Variants in AKT3 observed in about 807,000 individuals in gnomAD.
AKT3 encodes the protein RAC-gamma serine/threonine-protein kinase.
Under a neutral mutation model 65.3 loss-of-function variants are expected in AKT3, and 15 were observed. The observed-to-expected ratio is 0.23, with a 90% confidence interval of 0.15 to 0.35. The LOEUF (loss-of-function observed/expected upper bound fraction) is 0.35. AKT3 is among the 10% of genes least tolerant of loss of function. The probability of loss-of-function intolerance (pLI) is 1.00; values close to 1 mark genes in which losing one functional copy is unlikely to be tolerated. For missense variants in AKT3, 243 were observed against 576.5 expected (o/e 0.42, Z 5.92); for synonymous variants, 206 against 183.8 (o/e 1.12, Z -0.98).
At chr1:243,595,168 C>T (rs988255131) in intron 8 of AKT3, among the ~76,000 whole-genome samples, 1 of 152,208 alleles carries the variant, frequency 6.6e-6, no homozygotes, top group Admixed American at 6.5e-5. Context: ...CTTCTAGGTA[C>T]AGACCTGTAC....
rs1285942888 is a variant in AKT3 at position 243,500,299 on chromosome 1, T to G, written c.*4950A>C. Reference sequence around the variant, plus strand: ...TTTATTTATTTATCGTCCTACTTTGTGCACAATCAATCAATCAGGAGACAC... The same window carrying G: ...TTTATTTATTTATCGTCCTACTTTGGGCACAATCAATCAATCAGGAGACAC... On this transcript the variant is annotated 3_prime_UTR_variant, in exon 14 of 14. Transcript: ENST00000673466. 4.9e-6 allele frequency: 1 copy of G among 203,632 alleles called. No individual in the cohort carries two copies. Among genetic ancestry groups the G allele is most frequent in the Non-Finnish European group, 9.0e-6 (1 of 110,866 alleles). 12.6% of individuals were successfully genotyped at this position (203,632 alleles called of 1,614,324 possible). A position where few individuals can be genotyped will look rare whatever the true frequency, so the allele number is the denominator to read the frequency against.
chr1:243,564,189 C>G (rs2148489038), intron 9 of AKT3, among the ~76,000 whole-genome samples: 1 of 152,176 alleles, frequency 6.6e-6, no homozygotes, highest in South Asian at 2.1e-4. Flanking sequence ...GTGATCTAAA[C>G]AATCCCAAAG....
chr1:243,782,865 TATATG>T (rs1478899026), intron 2 of AKT3, among the ~76,000 whole-genome samples: 1 of 152,156 alleles, frequency 6.6e-6, no homozygotes, highest in Non-Finnish European at 1.5e-5. Flanking sequence ...TATAAGGAAA[TATATG>T]AGACTCTGGT....
chr1:243,675,408 C>G (rs1683437787), intron 3 of AKT3, among the ~76,000 whole-genome samples: 1 of 152,150 alleles, frequency 6.6e-6, no homozygotes, highest in Non-Finnish European at 1.5e-5. Flanking sequence ...ACCATGTTAG[C>G]CAGGCTGGTC....
chr1:243,489,682 A>C (rs1487308432), intron 13 of AKT3, among the ~76,000 whole-genome samples: 1 of 152,068 alleles, frequency 6.6e-6, no homozygotes, highest in Non-Finnish European at 1.5e-5. Flanking sequence ...AATTCCCTTT[A>C]CCCTTGAACA....
intron 9 of AKT3, among the ~76,000 whole-genome samples, chr1:243,571,162 C>T (rs548484424): frequency 1.3e-5 from 2 of 152,104 alleles, no homozygotes; most frequent in Admixed American, 6.6e-5. Context: ...ACTAAAAATA[C>T]AAAAATTAGC....
At chr1:243,592,898 TA>T (rs1324246732) in intron 8 of AKT3, among the ~76,000 whole-genome samples, 4 of 152,196 alleles carry the variant, frequency 2.6e-5, no homozygotes, top group Non-Finnish European at 5.9e-5. Context: ...CATACAAATG[TA>T]AAATGTATTG....
Position 243,505,010 on chromosome 1 carries a change from C to A in AKT3, c.*239G>T. On this transcript the variant is annotated 3_prime_UTR_variant, in exon 14 of 14. Coordinates refer to ENST00000673466, the MANE Select transcript of AKT3 (RefSeq NM_005465.7). Reference sequence around the variant, plus strand: ...AGTTGCTATAATAGTAAGACAGTAGCAGCAACAGCATGAGACCTTAGACTG... The same window carrying A: ...AGTTGCTATAATAGTAAGACAGTAGAAGCAACAGCATGAGACCTTAGACTG... The A allele has an allele frequency of 2.1e-6, 1 of 487,616 alleles. No homozygotes were observed. The highest frequency in any genetic ancestry group is 3.6e-6 in the Non-Finnish European group (1 of 276,260). The allele number at this position is 487,616 out of a possible 1,614,324, so 30.2% of individuals were successfully genotyped here.
At chr1:243,569,647 A>C (rs1233795558) in intron 9 of AKT3, among the ~76,000 whole-genome samples, 2 of 152,214 alleles carry the variant, frequency 1.3e-5, no homozygotes, top group Non-Finnish European at 2.9e-5. Flanking sequence ...TTCTCATATT[A>C]ATACTGTAAA....
intron 2 of AKT3, among the ~76,000 whole-genome samples, chr1:243,810,458 C>T (rs1026925666): frequency 1.4e-5 from 2 of 145,694 alleles, no homozygotes; most frequent in South Asian, 2.1e-4. Flanking sequence ...CACATACACT[C>T]CCCCAAGACT....
intron 5 of AKT3, among the ~76,000 whole-genome samples, chr1:243,641,275 C>T (rs144763434): frequency 0.21 from 17,963 of 86,472 alleles, 1,250 homozygotes; most frequent in East Asian, 0.29. Context: ...TATATATATA[C>T]ACACACACAC....
intron 2 of AKT3, among the ~76,000 whole-genome samples, chr1:243,723,546 A>T (rs1218395106): frequency 4.6e-5 from 7 of 152,196 alleles, no homozygotes; most frequent in Non-Finnish European, 1.5e-5. Flanking sequence ...CTAGACTCAA[A>T]GCCATTACCT....
intron 2 of AKT3, among the ~76,000 whole-genome samples, chr1:243,710,015 T>A (rs571700116): frequency 1.4e-4 from 22 of 152,270 alleles, no homozygotes; most frequent in African/African-American, 4.6e-4. Context: ...TTAAAAAATT[T>A]AAGCCAAAAC....
rs556809537 is a variant in AKT3, at chr1:243,490,070, A to C, written c.*7-1620T>G. Among the ~76,000 whole-genome samples the C allele has an allele frequency of 2.6e-5, 4 of 152,332 alleles. No homozygotes were observed. The South Asian group carries it at 8.3e-4, about 32-fold the overall frequency. On this transcript the variant is annotated intron_variant, in intron 13 of 13. Coordinates refer to the AKT3 transcript ENST00000336199. ...AGTGCCCTGGGGACTTCAGGCAGTA[A>C]GTGCTTGGAATGATTAATATGAAAA...
At chr1:243,594,106 T>C (rs570386864) in intron 8 of AKT3, among the ~76,000 whole-genome samples, 1 of 152,168 alleles carries the variant, frequency 6.6e-6, no homozygotes, top group Admixed American at 6.5e-5. Flanking sequence ...AGGAAGGCCA[T>C]GGAATACAAG....
At chr1:243,628,854 A>G (rs931564725) in intron 6 of AKT3, among the ~76,000 whole-genome samples, 6 of 152,350 alleles carry the variant, frequency 3.9e-5, no homozygotes, top group Admixed American at 2.0e-4. Flanking sequence ...TCAATTGTAC[A>G]TTGTTCTCCT....
intron 2 of AKT3, among the ~76,000 whole-genome samples, chr1:243,779,513 A>C (rs1054754485): frequency 6.6e-6 from 1 of 152,142 alleles, no homozygotes; most frequent in Non-Finnish European, 1.5e-5. Context: ...TCCAGGGGAC[A>C]AGCAAGAGTG....
chr1:243,547,348 CTAT>C (rs781230019), intron 11 of AKT3, among the ~76,000 whole-genome samples: 22 of 152,176 alleles, frequency 1.4e-4, no homozygotes, highest in East Asian at 3.9e-4. Flanking sequence ...TTTGATTTTC[CTAT>C]TATTAGTAAA....
intron 3 of AKT3, among the ~76,000 whole-genome samples, chr1:243,673,259 AATAC>A (rs1379506604): frequency 6.6e-5 from 10 of 152,222 alleles, no homozygotes; most frequent in South Asian, 4.1e-4. Context: ...AATACAGAAA[AATAC>A]ATACATAAGT....
Sources: gnomAD v4.1 joint callset for allele counts (sites outside exome capture counted in the v4.1 genomes callset) on GRCh38, gnomAD v4.1.1 for gene constraint, MANE v1.5 for transcripts, NCBI Gene and HGNC (gene_info 2026-07-23, HGNC 2026-07-21) for gene names.